DACH1: variants seen among roughly 807,000 people sequenced by gnomAD.
DACH1 encodes the protein dachshund family transcription factor 1.
A neutral mutation model predicts 54.2 loss-of-function variants in DACH1; 12 were observed. That is an observed-to-expected ratio of 0.22 (90% CI 0.14 to 0.36). The LOEUF (loss-of-function observed/expected upper bound fraction) is 0.36. DACH1 is among the 10% of genes least tolerant of loss of function. DACH1 has a pLI of 1.00. For synonymous variants in DACH1, 386 were observed against 366.2 expected, an observed-to-expected ratio of 1.05 and a Z score of -0.62; for missense variants, 805 against 929.8, an observed-to-expected ratio of 0.87 and a Z score of 1.75.
At chr13:71,702,714 C>T (rs1882207424) in intron 1 of DACH1, among the ~76,000 whole-genome samples, 1 of 152,070 alleles carries the variant, frequency 6.6e-6, no homozygotes, top group Admixed American at 6.6e-5. Context: ...ATAAATGATG[C>T]TGCCAAATCG....
chr13:71,643,008 G>C (rs1489100330), intron 2 of DACH1, among the ~76,000 whole-genome samples: 1 of 151,854 alleles, frequency 6.6e-6, no homozygotes, highest in Admixed American at 6.6e-5. Flanking sequence ...CTGGGAGACA[G>C]AGTGAGACTC....
chr13:71,591,276 A>G (rs1460610754), intron 3 of DACH1, among the ~76,000 whole-genome samples: 1 of 152,040 alleles, frequency 6.6e-6, no homozygotes, highest in Non-Finnish European at 1.5e-5. Context: ...AATACAACTC[A>G]CTGTAAATAC....
At chr13:71,693,468 A>ATTT (rs1566437389) in intron 1 of DACH1, among the ~76,000 whole-genome samples, 1 of 134,976 alleles carries the variant, frequency 7.4e-6, no homozygotes, top group African/African-American at 3.3e-5. Flanking sequence ...ACGCCCGGCA[A>ATTT]ATTTTTTTTT....
intron 3 of DACH1, among the ~76,000 whole-genome samples, chr13:71,575,764 G>A (rs1885489785): frequency 6.6e-6 from 1 of 151,982 alleles, no homozygotes; most frequent in African/African-American, 2.4e-5. Context: ...TACATAGAAT[G>A]CTTCTAGCCA....
intron 1 of DACH1, among the ~76,000 whole-genome samples, chr13:71,743,047 A>G (rs564226799): frequency 6.6e-6 from 1 of 152,170 alleles, no homozygotes; most frequent in African/African-American, 2.4e-5. Flanking sequence ...TGGTATTTAC[A>G]CAGTGATATG....
rs193059018 is a variant in DACH1 at position 71,722,865 on chromosome 13, G to A, written c.849-40955C>T. On this transcript the variant is annotated intron_variant, in intron 1 of 10. Coordinates refer to ENST00000613252, the MANE Select transcript of DACH1 (RefSeq NM_080759.6). ...TTCTCATAAACTACGATGGAGCTGG[G>A]GGTGTAGCTAAAGAGAGGAGGAGGA... 2.0e-5 allele frequency among the ~76,000 whole-genome samples: 3 copies of A among 152,098 alleles called. No individual in the cohort carries two copies. In the East Asian group the frequency reaches 5.8e-4, roughly 30 times the overall value.
At chr13:71,450,101 AAC>A (rs1874889495) in intron 10 of DACH1, among the ~76,000 whole-genome samples, 1 of 152,150 alleles carries the variant, frequency 6.6e-6, no homozygotes, top group Admixed American at 6.5e-5. Context: ...AAAGCTGTAA[AAC>A]ACAGTTTGAT....
chr13:71,660,709 T>C (rs1879430313), intron 2 of DACH1, among the ~76,000 whole-genome samples: 1 of 152,002 alleles, frequency 6.6e-6, no homozygotes, highest in Non-Finnish European at 1.5e-5. Flanking sequence ...ATCTCTAAAA[T>C]ATTTTTATGT....
intron 6 of DACH1, among the ~76,000 whole-genome samples, chr13:71,540,413 T>C (rs921982219): frequency 6.6e-6 from 1 of 152,080 alleles, no homozygotes; most frequent in African/African-American, 2.4e-5. Context: ...GGCAGAAAAA[T>C]AGATTCTGTC....
At chr13:71,848,650 T>G (rs1484877352) in intron 1 of DACH1, among the ~76,000 whole-genome samples, 1 of 151,758 alleles carries the variant, frequency 6.6e-6, no homozygotes, top group Non-Finnish European at 1.5e-5. Flanking sequence ...GCTCAAGTAA[T>G]CCTCCTGTCT....
At chr13:71,778,590 T>C (rs1310033409) in intron 1 of DACH1, among the ~76,000 whole-genome samples, 1 of 151,372 alleles carries the variant, frequency 6.6e-6, no homozygotes, top group Admixed American at 6.6e-5. Context: ...ACTATTGTTT[T>C]CTTTATAATA....
At chr13:71,446,755 G>T (rs1208828994) in intron 10 of DACH1, among the ~76,000 whole-genome samples, 1 of 152,162 alleles carries the variant, frequency 6.6e-6, no homozygotes, top group Non-Finnish European at 1.5e-5. Context: ...TCTGCTCTTT[G>T]CCTTCCTCCT....
intron 3 of DACH1, among the ~76,000 whole-genome samples, chr13:71,614,853 CAAAA>C (rs397978208): frequency 6.1e-5 from 3 of 48,920 alleles, no homozygotes; most frequent in Non-Finnish European, 1.2e-4. Context: ...AACTCTATCT[CAAAA>C]AAAAAAAAAA....
Position 71,866,423 on chromosome 13 carries a change from C to G in DACH1, c.347G>C (p.Gly116Ala), listed in dbSNP as rs942180060. The change falls in exon 1 of 11, where the codon GGC becomes GCC. Residue 116 changes from glycine (G) to alanine (A), a missense_variant. Gly to Ala is a moderately conservative substitution (Grantham distance 60). Transcript: ENST00000613252. ...PNLAAASNGS[G>A]GGGGGISAGG... The stretch of plus-strand genomic sequence containing the variant: ...AGCGCTGATGCCGCCGCCGCCGCCG[C>G]CGCTGCCGTTGCTCGCGGCCGCCAG... The G allele has an allele frequency of 2.1e-6, 3 of 1,420,084 alleles. No homozygotes were observed. The highest frequency in any genetic ancestry group is 5.0e-5 in the Admixed American group (2 of 40,314). The allele number at this position is 1,420,084 out of a possible 1,614,324, so 88.0% of individuals were successfully genotyped here.
chr13:71,808,215 G>A (rs74935300), intron 1 of DACH1, among the ~76,000 whole-genome samples: 2,228 of 152,070 alleles, frequency 0.015, 45 homozygotes, highest in African/African-American at 0.05. Context: ...AGAATTTTTG[G>A]AATTAATTTA....
intron 1 of DACH1, among the ~76,000 whole-genome samples, chr13:71,728,471 T>A (rs1883581785): frequency 6.6e-6 from 1 of 152,000 alleles, no homozygotes; most frequent in African/African-American, 2.4e-5. Flanking sequence ...ATAAATATTT[T>A]CACTTTACAA....
At chr13:71,759,789 G>C (rs182211490) in intron 1 of DACH1, among the ~76,000 whole-genome samples, 2 of 151,992 alleles carry the variant, frequency 1.3e-5, no homozygotes, top group African/African-American at 4.8e-5. Flanking sequence ...ATCACCCAAG[G>C]CTACTTTGTC....
At chr13:71,790,230 A>C (rs551276975) in intron 1 of DACH1, among the ~76,000 whole-genome samples, 1 of 152,164 alleles carries the variant, frequency 6.6e-6, no homozygotes, top group South Asian at 2.1e-4. Flanking sequence ...CTTACAGTGC[A>C]AAAGAAAAAC....
chr13:71,612,060 T>C (rs1444330261), intron 3 of DACH1, among the ~76,000 whole-genome samples: 1 of 152,106 alleles, frequency 6.6e-6, no homozygotes, highest in Non-Finnish European at 1.5e-5. Flanking sequence ...GTTATAAGTT[T>C]AGGGGAATTT....
Sources: allele counts gnomAD v4.1 joint callset (sites outside exome capture counted in the v4.1 genomes callset), GRCh38; gene constraint gnomAD v4.1.1; transcripts MANE v1.5; gene names NCBI Gene and HGNC (gene_info 2026-07-23, HGNC 2026-07-21).